Variants in CD247 observed in about 807,000 individuals in gnomAD.
CD247 encodes the protein T-cell surface glycoprotein CD3 zeta chain.
In CD247, 13 loss-of-function variants were observed where a neutral mutation model predicts 30.0. That is an observed-to-expected ratio of 0.43 (90% CI 0.28 to 0.69). The LOEUF (loss-of-function observed/expected upper bound fraction) is 0.69. CD247 is among the 30% of genes least tolerant of loss of function. The probability of loss-of-function intolerance (pLI) is 0.16; values close to 1 mark genes in which losing one functional copy is unlikely to be tolerated. For missense variants in CD247, 193 were observed against 212.6 expected (o/e 0.91, Z 0.57); for synonymous variants, 72 against 80.0 (o/e 0.90, Z 0.53).
At chr1:167,500,404 C>G (rs1364134344) in intron 1 of CD247, among the ~76,000 whole-genome samples, 2 of 152,312 alleles carry the variant, frequency 1.3e-5, no homozygotes, top group East Asian at 3.9e-4. Flanking sequence ...ACAATCAACA[C>G]AGTTTCAAAG....
chr1:167,478,580 A>G (rs1420148248), intron 1 of CD247, among the ~76,000 whole-genome samples: 2 of 152,206 alleles, frequency 1.3e-5, no homozygotes, highest in Non-Finnish European at 2.9e-5. Flanking sequence ...GAGAGGCAGT[A>G]GTGTGGACAG....
intron 1 of CD247, among the ~76,000 whole-genome samples, chr1:167,466,428 A>AT (rs1040946980): frequency 4.4e-4 from 67 of 151,576 alleles, no homozygotes; most frequent in African/African-American, 1.6e-3. Context: ...TTTTTTAAAT[A>AT]TTAGAATTTA....
chr1:167,471,185 G>C (rs761188450), intron 1 of CD247, among the ~76,000 whole-genome samples: 1 of 151,976 alleles, frequency 6.6e-6, no homozygotes, highest in Admixed American at 6.6e-5. Context: ...TATTTCTTCA[G>C]AATAAATTAA....
At chr1:167,473,259 C>A (rs1377788437) in intron 1 of CD247, among the ~76,000 whole-genome samples, 1 of 152,212 alleles carries the variant, frequency 6.6e-6, no homozygotes, top group Non-Finnish European at 1.5e-5. Flanking sequence ...GAGCTGCCCT[C>A]CACCGCCCAG....
intron 1 of CD247, among the ~76,000 whole-genome samples, chr1:167,471,772 TTTTC>T: frequency 6.6e-6 from 1 of 151,884 alleles, no homozygotes; most frequent in Middle Eastern, 3.4e-3. Flanking sequence ...TCGGCTTTAT[TTTTC>T]TTTTGATGTA....
At chr1:167,469,310 A>G (rs1653403404) in intron 1 of CD247, among the ~76,000 whole-genome samples, 2 of 152,194 alleles carry the variant, frequency 1.3e-5, no homozygotes, top group South Asian at 4.1e-4. Context: ...GTCCATTTAA[A>G]TCGTCCAAAT....
intron 1 of CD247, among the ~76,000 whole-genome samples, chr1:167,488,080 T>C (rs558097457): frequency 6.6e-6 from 1 of 152,280 alleles, no homozygotes; most frequent in East Asian, 1.9e-4. Flanking sequence ...GAGGAACTCA[T>C]TCAAACTCAG....
intron 1 of CD247, among the ~76,000 whole-genome samples, chr1:167,483,188 A>T (rs1001077500): frequency 2.6e-5 from 4 of 151,792 alleles, no homozygotes; most frequent in African/African-American, 4.8e-5. Flanking sequence ...TTGTATTTTT[A>T]GTAGAGATGG....
chr1:167,449,429 C>T (rs973376515), intron 1 of CD247, among the ~76,000 whole-genome samples: 42 of 151,796 alleles, frequency 2.8e-4, no homozygotes, highest in African/African-American at 1.0e-3. Flanking sequence ...GCTGGGATTA[C>T]AGGTGTGAGC....
intron 2 of CD247, 200 bp from the exon 3 acceptor site, chr1:167,439,600 C>T (rs1651723906): frequency 1.7e-6 from 1 of 601,742 alleles, no homozygotes. Context: ...GTCCTTTTTC[C>T]TCCCGCCTGT....
intron 1 of CD247, among the ~76,000 whole-genome samples, chr1:167,495,628 G>A (rs916277849): frequency 5.9e-5 from 9 of 152,046 alleles, no homozygotes; most frequent in Non-Finnish European, 1.0e-4. Flanking sequence ...CTCACTTAGA[G>A]CAAAATGTCC....
intron 1 of CD247, among the ~76,000 whole-genome samples, chr1:167,491,519 A>C (rs1345949380): frequency 1.3e-5 from 2 of 151,738 alleles, no homozygotes; most frequent in Non-Finnish European, 2.9e-5. Context: ...GTGAGCCAAG[A>C]TCATGCCATT....
At position 167,440,605 on chromosome 1, in the gene CD247, C is replaced by G. The variant is rs1164631310; in HGVS notation, c.162+59G>C. 10 of 1,158,184 alleles carry G rather than the reference C, an allele frequency of 8.6e-6. No homozygotes were observed. The African/African-American group carries it at 1.1e-4, about 12-fold the overall frequency. 71.7% of individuals were successfully genotyped at this position (1,158,184 alleles called of 1,614,324 possible). A position where few individuals can be genotyped will look rare whatever the true frequency, so the allele number is the denominator to read the frequency against. ...GAGACCTTCCAAGACCAAGGCCCCT[C>G]TGAACATCCATCAAGTGGGGGACCC... On this transcript the variant is annotated intron_variant, in intron 2 of 7. Coordinates refer to ENST00000362089, the MANE Select transcript of CD247 (RefSeq NM_198053.3).
At chr1:167,432,574 A>G (rs61806131) in intron 7 of CD247, among the ~76,000 whole-genome samples, 3 of 152,234 alleles carry the variant, frequency 2.0e-5, no homozygotes, top group African/African-American at 7.2e-5. Flanking sequence ...ACCTAACTAC[A>G]TAACATTTTC....
chr1:167,447,588 C>T (rs992635452), intron 1 of CD247, among the ~76,000 whole-genome samples: 14 of 152,230 alleles, frequency 9.2e-5, no homozygotes, highest in South Asian at 2.1e-4. Context: ...ATAGGAAGCA[C>T]GGCAGGTAAG....
At chr1:167,507,503 C>T (rs536767121) in intron 1 of CD247, among the ~76,000 whole-genome samples, 4 of 152,074 alleles carry the variant, frequency 2.6e-5, no homozygotes, top group Non-Finnish European at 5.9e-5. Flanking sequence ...TTATTCCAGA[C>T]TTGAATGCTG....
Position 167,503,512 on chromosome 1 carries a change from A to G in CD247, c.58+14896T>C, listed in dbSNP as rs554941600. On this transcript the variant is annotated intron_variant, in intron 1 of 7. Transcript: ENST00000362089. Reference sequence around the variant, plus strand: ...GAACGTGTAATGCACATTTGCAGACAGAAGTTTTGGAAAAGTCCTGCACTT... The same window carrying G: ...GAACGTGTAATGCACATTTGCAGACGGAAGTTTTGGAAAAGTCCTGCACTT... Among the ~76,000 whole-genome samples the G allele has an allele frequency of 5.3e-5, 8 of 152,356 alleles. No homozygotes were observed. In the South Asian group the frequency reaches 1.7e-3, roughly 32 times the overall value.
chr1:167,516,650 G>T (rs1359126154), intron 1 of CD247, among the ~76,000 whole-genome samples: 1 of 152,154 alleles, frequency 6.6e-6, no homozygotes. Context: ...TCTGGGCTAG[G>T]ATATTTTGAA....
At chr1:167,502,823 C>T (rs539248192) in intron 1 of CD247, among the ~76,000 whole-genome samples, 1 of 152,202 alleles carries the variant, frequency 6.6e-6, no homozygotes, top group African/African-American at 2.4e-5. Context: ...CAAGGAACAC[C>T]AAAGATTGCC....
Sources: allele counts gnomAD v4.1 joint callset (sites outside exome capture counted in the v4.1 genomes callset), GRCh38; gene constraint gnomAD v4.1.1; transcripts MANE v1.5; gene names NCBI Gene and HGNC (gene_info 2026-07-23, HGNC 2026-07-21).